Variants in ZFHX3 observed in about 807,000 individuals in gnomAD.
ZFHX3 encodes the protein zinc finger homeobox protein 3.
In ZFHX3, 42 loss-of-function variants were observed where a neutral mutation model predicts 279.1. The observed-to-expected ratio is 0.15, with a 90% CI of 0.12 to 0.19. ZFHX3 has a LOEUF of 0.19. ZFHX3 is among the 10% of genes least tolerant of loss of function. ZFHX3 has a pLI of 1.00. For missense variants in ZFHX3, 4,981 were observed against 4,754.0 expected (o/e 1.05, Z -1.40); for synonymous variants, 2,293 against 1,957.8 (o/e 1.17, Z -4.52).
chr16:73,831,387 G>C (rs924334612), intron 1 of ZFHX3, among the ~76,000 whole-genome samples: 3 of 152,216 alleles, frequency 2.0e-5, no homozygotes, highest in Non-Finnish European at 2.9e-5. Flanking sequence ...GCTCTGATGA[G>C]AGGTGCTAAA....
intron 2 of ZFHX3, among the ~76,000 whole-genome samples, chr16:73,670,990 G>A (rs2052898827): frequency 6.6e-6 from 1 of 152,182 alleles, no homozygotes; most frequent in Admixed American, 6.5e-5. Context: ...TTCTCCAGAA[G>A]GATTATTTAA....
At chr16:73,434,638 C>T (rs1223711031) in intron 3 of ZFHX3, among the ~76,000 whole-genome samples, 1 of 151,878 alleles carries the variant, frequency 6.6e-6, no homozygotes, top group Non-Finnish European at 1.5e-5. Flanking sequence ...CTTTTTCCTG[C>T]AGAAAACAAC....
rs1300620785 is a variant in ZFHX3, at chr16:73,682,886, G to GAAAGA, written c.-1607-2651_-1607-2647dup. 2.5e-3 allele frequency among the ~76,000 whole-genome samples: 151 copies of GAAAGA among 61,320 alleles called. 9 individuals are homozygous for GAAAGA. Among genetic ancestry groups the GAAAGA allele is most frequent in the African/African-American group, 0.01 (144 of 13,768 alleles). The allele number at this position is 61,320 out of a possible 152,430, so 40.2% of individuals were successfully genotyped here. A position where few individuals can be genotyped will look rare whatever the true frequency, so the allele number is the denominator to read the frequency against. On this transcript the variant is annotated intron_variant, in intron 1 of 17. Coordinates refer to the ZFHX3 transcript ENST00000641206. The stretch of plus-strand genomic sequence containing the variant: ...AGAAAGAAAGAAAGAAAGAAAGAAA[G>GAAAGA]AAAGAAAGAAAGAAAGAAAGAGAAA...
chr16:73,242,601 A>G (rs2013156475), intron 5 of ZFHX3, among the ~76,000 whole-genome samples: 1 of 152,242 alleles, frequency 6.6e-6, no homozygotes, highest in East Asian at 1.9e-4. Context: ...TTTAAAAGAG[A>G]TCAATTATTT....
chr16:73,158,138 G>C (rs1457021127), intron 5 of ZFHX3, among the ~76,000 whole-genome samples: 1 of 152,186 alleles, frequency 6.6e-6, no homozygotes. Flanking sequence ...GGACACTGCA[G>C]GTCTGCATCT....
At chr16:72,993,790 T>C (rs1433912431) in intron 1 of ZFHX3, among the ~76,000 whole-genome samples, 1 of 152,154 alleles carries the variant, frequency 6.6e-6, no homozygotes, top group Non-Finnish European at 1.5e-5. Context: ...CTTTCCCACG[T>C]GGACCAGACT....
chr16:73,032,557 A>G (rs969034637), intron 1 of ZFHX3, among the ~76,000 whole-genome samples: 3 of 152,106 alleles, frequency 2.0e-5, no homozygotes, highest in Non-Finnish European at 4.4e-5. Context: ...CGTCCCCAAA[A>G]AGAGACCAAA....
At chr16:73,517,918 A>T (rs1482328206) in intron 2 of ZFHX3, among the ~76,000 whole-genome samples, 3 of 152,186 alleles carry the variant, frequency 2.0e-5, no homozygotes, top group African/African-American at 7.2e-5. Context: ...ATAAAAAAAT[A>T]AGTGAAATTA....
intron 3 of ZFHX3, among the ~76,000 whole-genome samples, chr16:72,892,593 T>C (rs2038800699): frequency 1.3e-5 from 2 of 151,842 alleles, no homozygotes. Flanking sequence ...TTGCAACCTC[T>C]GCCTCCTGGA....
intron 4 of ZFHX3, among the ~76,000 whole-genome samples, chr16:72,838,845 A>G (rs1486541898): frequency 6.6e-6 from 1 of 152,236 alleles, no homozygotes; most frequent in Non-Finnish European, 1.5e-5. Flanking sequence ...GCGGTGACAA[A>G]GCACAACGGA....
At chr16:72,955,707 G>A (rs1180011006) in intron 2 of ZFHX3, among the ~76,000 whole-genome samples, 1 of 150,266 alleles carries the variant, frequency 6.7e-6, no homozygotes, top group Non-Finnish European at 1.5e-5. Context: ...GAACACAGGA[G>A]GTGGATGTTG....
chr16:73,003,675 C>T (rs888939210), intron 1 of ZFHX3, among the ~76,000 whole-genome samples: 2 of 152,062 alleles, frequency 1.3e-5, no homozygotes, highest in Non-Finnish European at 2.9e-5. Context: ...TACTGCACTC[C>T]AGCCTGGACG....
intron 3 of ZFHX3, among the ~76,000 whole-genome samples, chr16:72,923,794 A>C (rs1959279438): frequency 6.6e-6 from 1 of 152,162 alleles, no homozygotes; most frequent in Admixed American, 6.5e-5. Flanking sequence ...CACCACTAAG[A>C]AAATGCCAAT....
chr16:73,662,725 G>A (rs1008046038), intron 2 of ZFHX3, among the ~76,000 whole-genome samples: 28 of 152,178 alleles, frequency 1.8e-4, no homozygotes, highest in African/African-American at 6.5e-4. Context: ...ATTTCATTTC[G>A]CCTGCAATTC....
chr16:72,885,991 G>A (rs1004803715), intron 4 of ZFHX3, among the ~76,000 whole-genome samples: 1 of 152,164 alleles, frequency 6.6e-6, no homozygotes, highest in East Asian at 1.9e-4. Context: ...AGTCTATAAA[G>A]TCGATGTTTA....
chr16:73,607,141 G>A (rs1430290607), intron 2 of ZFHX3, among the ~76,000 whole-genome samples: 2 of 152,150 alleles, frequency 1.3e-5, no homozygotes, highest in African/African-American at 2.4e-5. Flanking sequence ...TGATTCTCCT[G>A]CCTCAGCCTC....
At chr16:73,519,443 C>T (rs2019576224) in intron 2 of ZFHX3, among the ~76,000 whole-genome samples, 2 of 151,950 alleles carry the variant, frequency 1.3e-5, no homozygotes, top group Admixed American at 1.3e-4. Flanking sequence ...TCCTTATTAA[C>T]TTCCTCCCAT....
intron 2 of ZFHX3, among the ~76,000 whole-genome samples, chr16:73,515,409 G>A (rs1279136207): frequency 6.6e-6 from 1 of 151,834 alleles, no homozygotes; most frequent in Non-Finnish European, 1.5e-5. Context: ...GGATGGAGAA[G>A]CAGATGGAAG....
intron 1 of ZFHX3, among the ~76,000 whole-genome samples, chr16:72,980,987 A>C (rs1281906867): frequency 6.6e-6 from 1 of 152,152 alleles, no homozygotes; most frequent in Non-Finnish European, 1.5e-5. Flanking sequence ...ATTCGCTATC[A>C]GGAACATCTT....
Sources: gnomAD v4.1 joint callset for allele counts (sites outside exome capture counted in the v4.1 genomes callset) on GRCh38, gnomAD v4.1.1 for gene constraint, MANE v1.5 for transcripts, NCBI Gene and HGNC (gene_info 2026-07-23, HGNC 2026-07-21) for gene names.